Variants in M6PR observed in about 807,000 individuals in gnomAD.
The protein encoded by M6PR is cation-dependent mannose-6-phosphate receptor.
In M6PR, 19 loss-of-function variants were observed where a neutral mutation model predicts 33.1. The observed-to-expected ratio is 0.57, with a 90% CI of 0.40 to 0.84. M6PR has a LOEUF of 0.84. Among genes scored for constraint, M6PR ranks in the 40% least tolerant of loss-of-function variants. The pLI is 0.00. For missense variants in M6PR, 295 were observed against 336.0 expected, an observed-to-expected ratio of 0.88 and a Z score of 0.95; for synonymous variants, 111 against 123.4, an observed-to-expected ratio of 0.90 and a Z score of 0.67.
In M6PR at chr12:8,941,462, CA is replaced by C; in HGVS notation, c.*355del. 1 of 191,398 alleles carries C rather than the reference CA, an allele frequency of 5.2e-6. No homozygotes were observed. Among genetic ancestry groups the C allele is most frequent in the Non-Finnish European group, 1.1e-5 (1 of 92,962 alleles). The allele number at this position is 191,398 out of a possible 1,614,324, so 11.9% of individuals were successfully genotyped here. On this transcript the variant is annotated 3_prime_UTR_variant, in exon 7 of 7. Transcript: ENST00000000412. ...TTTTAATTAAAGAAATCCAGTGTCT[CA>C]AAAACTTGTGAAAATGTGTTTAAAA...
chr12:8,942,874 G>GA (rs11376818), intron 5 of M6PR, among the ~76,000 whole-genome samples: 53,825 of 151,400 alleles, frequency 0.36, 10,034 homozygotes, highest in Admixed American at 0.42. Flanking sequence ...TGCAGTAGGG[G>GA]AAAAAAGCAC....
In M6PR at chr12:8,945,557, T is replaced by C. The variant is rs1565530452; in HGVS notation, c.204A>G (p.Ser68=). The C allele has an allele frequency of 6.2e-7, 1 of 1,614,130 alleles. No individual in the cohort carries two copies. The change falls in exon 3 of 7, where the codon TCA becomes TCG. Residue 68 remains serine (S), a synonymous_variant. Transcript: ENST00000000412. ...CCCTGAAGATGTAGATGTATGTGTC[T>C]GAACCCTGGCCCACAGTGCTCTCAA... is the stretch of plus-strand genomic sequence containing the variant. ...KSFESTVGQG[S]DTYIYIFRVC...
chr12:8,942,563 C>A, intron 5 of M6PR, 21 bp from the exon 6 acceptor site: 1 of 1,611,844 alleles, frequency 6.2e-7, no homozygotes, highest in Non-Finnish European at 8.5e-7. Context: ...AGAAAGACAT[C>A]TATACTTAAG....
rs940954077 is a variant in M6PR at position 8,945,478 on chromosome 12, T to C, written c.283A>G (p.Lys95Glu). ...TSGAGLVQIN[K>E]SNGKETVVGR... is the part of the protein sequence containing the mutation. ...ACCACTGTCTCCTTCCCATTACTTTTGTTGATTTGCACCAGGCCTGCCCCA... is the reference window on the plus strand; with the variant it reads ...ACCACTGTCTCCTTCCCATTACTTTCGTTGATTTGCACCAGGCCTGCCCCA... The change falls in exon 3 of 7, where the codon AAA becomes GAA. Residue 95 changes from lysine (K) to glutamate (E), a missense_variant. Physicochemically the swap from Lys to Glu is moderately conservative, Grantham distance 56. Transcript: ENST00000000412. The C allele has an allele frequency of 1.9e-6, 3 of 1,614,152 alleles. No homozygotes were observed. The highest frequency in any genetic ancestry group is 2.5e-6 in the Non-Finnish European group (3 of 1,180,020).
chr12:8,943,423 C>A lies in M6PR; in HGVS notation c.566G>T (p.Gly189Val), dbSNP rs1946053138. Residue 189 changes from glycine (G) to valine (V), a missense_variant, in exon 5 of 7, where the codon GGT becomes GTT. Gly to Val is a moderately radical substitution (Grantham distance 109, BLOSUM62 -3). Coordinates refer to ENST00000000412, the MANE Select transcript of M6PR (RefSeq NM_002355.4). ...TACTCACGTGACAAGTAAGATGGAA[C>A]CCACACTGAGGTGGGAGATCTCTGG... The part of the protein sequence containing the change: ...CSPEISHLSV[G>V]SILLVTFASL... 3.1e-6 allele frequency: 5 copies of A among 1,614,152 alleles called. No individual in the cohort carries two copies. In the African/African-American group the frequency reaches 4.0e-5, roughly 13 times the overall value.
rs1239648677 is a variant in M6PR at position 8,943,799 on chromosome 12, A to G, written c.453+2T>C. 1 of 1,611,798 alleles carries G rather than the reference A, an allele frequency of 6.2e-7. No homozygotes were observed. Among genetic ancestry groups the G allele is most frequent in the South Asian group, 1.1e-5 (1 of 90,986 alleles). On this transcript the variant is annotated splice_donor_variant, in intron 4 of 6. Transcript: ENST00000000412. LOFTEE classifies it high-confidence loss of function. ...CGGCTTATACAACACAGGGTGCCTC[A>G]CCGCTAGGGTGTGTCGATTGCAGGA...
chr12:8,945,602 A>G lies in M6PR; in HGVS notation c.177-18T>C. On this transcript the variant is annotated intron_variant, in intron 2 of 6. Coordinates refer to ENST00000000412, the MANE Select transcript of M6PR (RefSeq NM_002355.4). ...TCTCAAAGCTGTAAAGAGAAGTGGG[A>G]AGAAAGAAGAGGAGAGTTACTAGCT... The G allele has an allele frequency of 6.2e-7, 1 of 1,610,372 alleles. No individual in the cohort carries two copies. Among genetic ancestry groups the G allele is most frequent in the African/African-American group, 1.3e-5 (1 of 74,938 alleles).
At chr12:8,946,911 G>A (rs1048377881) in intron 1 of M6PR, 8 of 152,472 alleles carry the variant, frequency 5.2e-5, no homozygotes, top group African/African-American at 1.7e-4. Flanking sequence ...TACTGCTCTA[G>A]GAATGAAAAC....
intron 5 of M6PR, among the ~76,000 whole-genome samples, chr12:8,943,021 T>C (rs1946044601): frequency 6.6e-6 from 1 of 151,380 alleles, no homozygotes; most frequent in Non-Finnish European, 1.5e-5. Context: ...TGGTGCGACC[T>C]CAGCTCACTG....
At chr12:8,943,947 G>A (rs1027954138) in intron 3 of M6PR, 37 bp from the exon 4 acceptor site, 13 of 1,401,946 alleles carry the variant, frequency 9.3e-6, no homozygotes, top group Non-Finnish European at 1.3e-5. Flanking sequence ...TATGGGGTGG[G>A]GGAAAAGCAG....
chr12:8,946,438 G>A (rs4140911), intron 1 of M6PR, 33 bp from the exon 2 acceptor site: 574,654 of 1,574,302 alleles, frequency 0.37, 108,359 homozygotes, highest in Admixed American at 0.41. Context: ...GGGAGGGCAG[G>A]TAGGATCAGG....
intron 5 of M6PR, 31 bp from the exon 6 acceptor site, chr12:8,942,573 G>A: frequency 6.2e-7 from 1 of 1,606,474 alleles, no homozygotes; most frequent in Non-Finnish European, 8.5e-7. Flanking sequence ...CTATACTTAA[G>A]AACTGGGAAA....
rs1475412328 is a variant in M6PR at position 8,945,524 on chromosome 12, C to T, written c.237G>A (p.Arg79=). The T allele has an allele frequency of 1.2e-6, 2 of 1,613,914 alleles. No individual in the cohort carries two copies. The highest frequency in any genetic ancestry group is 1.3e-5 in the African/African-American group (1 of 74,868). ...CCCCAGAAGTGTGGTTGCCAGCTTC[C>T]CGGCACACCCTGAAGATGTAGATGT... ...DTYIYIFRVC[R]EAGNHTSGAG... The change falls in exon 3 of 7, where the codon CGG becomes CGA. Residue 79 remains arginine (R), a synonymous_variant. Coordinates refer to ENST00000000412, the MANE Select transcript of M6PR (RefSeq NM_002355.4).
In M6PR at chr12:8,943,514, C is replaced by A; in HGVS notation, c.475G>T (p.Glu159Ter). The A allele has an allele frequency of 6.2e-7, 1 of 1,614,184 alleles. No homozygotes were observed. Among genetic ancestry groups the A allele is most frequent in the South Asian group, 1.1e-5 (1 of 91,086 alleles). ...CAATCTTGGACTTTGCCACGCTCCT[C>A]AGACACAGGGTTAAAATTGTCCTGA... ...TLADNFNPVS[E>*]ERGKVQDCFY... Residue 159 changes from glutamate to a stop codon, truncating the protein, a stop_gained, in exon 5 of 7, where the codon GAG becomes TAG. Coordinates refer to ENST00000000412, the MANE Select transcript of M6PR (RefSeq NM_002355.4). LOFTEE classifies it high-confidence loss of function.
At position 8,946,495 on chromosome 12, in the gene M6PR, G is replaced by A. The variant is rs918786914; in HGVS notation, c.-1-90C>T. 3 of 986,492 alleles carry A rather than the reference G, an allele frequency of 3.0e-6. No individual in the cohort carries two copies. In the African/African-American group the frequency reaches 4.8e-5, roughly 16 times the overall value. The allele number at this position is 986,492 out of a possible 1,614,324, so 61.1% of individuals were successfully genotyped here. A position where few individuals can be genotyped will look rare whatever the true frequency, so the allele number is the denominator to read the frequency against. On this transcript the variant is annotated intron_variant, in intron 1 of 6. Coordinates refer to ENST00000000412, the MANE Select transcript of M6PR (RefSeq NM_002355.4). ...CGTATGAATGTGTAATAAATCGATG[G>A]TATTTTAATTATCCAGAAAGTACAA...
At chr12:8,945,705 T>G in intron 2 of M6PR, 121 bp from the exon 3 acceptor site, 1 of 769,354 alleles carries the variant, frequency 1.3e-6, no homozygotes, top group Non-Finnish European at 2.1e-6. Context: ...TTATTTGAGG[T>G]CATGGCTGAG....
In M6PR at chr12:8,946,302, C is replaced by T. The variant is rs750026229; in HGVS notation, c.103G>A (p.Val35Ile). Residue 35 changes from valine to isoleucine, a missense_variant, in exon 2 of 7, where the codon GTA becomes ATA. Val to Ile is a conservative substitution (Grantham distance 29). Coordinates refer to ENST00000000412, the MANE Select transcript of M6PR (RefSeq NM_002355.4). ...WQTEEKTCDL[V>I]GEKGKESEKE... The stretch of plus-strand genomic sequence containing the variant: ...TCTGACTCTTTACCCTTTTCTCCTA[C>T]CAAGTCGCAAGTTTTTTCTTCTGTC... 6.2e-7 allele frequency: 1 copy of T among 1,614,138 alleles called. No individual in the cohort carries two copies. The highest frequency in any genetic ancestry group is 1.3e-5 in the African/African-American group (1 of 75,018).
chr12:8,948,782 A>G (rs946417214), intron 1 of M6PR, among the ~76,000 whole-genome samples: 1 of 152,234 alleles, frequency 6.6e-6, no homozygotes, highest in African/African-American at 2.4e-5. Context: ...TCACTTCCCC[A>G]TCTGTTAAGA....
chr12:8,943,850 T>TC lies in M6PR; in HGVS notation c.403dup (p.Glu135GlyfsTer21), dbSNP rs1185150949. 1.2e-6 allele frequency: 2 copies of TC among 1,613,552 alleles called. No homozygotes were observed. The highest frequency in any genetic ancestry group is 1.7e-6 in the Non-Finnish European group (2 of 1,180,030). ...GATCATCACCACTGCACGACGCTGC[T>TC]CCTTGCCACAGTGGTTGTCATATTC... On this transcript the variant is annotated frameshift_variant, in exon 4 of 7. Transcript: ENST00000000412. LOFTEE classifies it high-confidence loss of function.
Sources: allele counts gnomAD v4.1 joint callset (sites outside exome capture counted in the v4.1 genomes callset), GRCh38; gene constraint gnomAD v4.1.1; transcripts MANE v1.5; gene names NCBI Gene and HGNC (gene_info 2026-07-23, HGNC 2026-07-21).